Variants in TBX2 observed in about 807,000 individuals in gnomAD.
TBX2 encodes T-box transcription factor 2, also known as T-box transcription factor TBX2.
In TBX2, 19 loss-of-function variants were observed where a neutral mutation model predicts 48.4. The observed-to-expected ratio is 0.39, with a 90% CI of 0.27 to 0.58. The LOEUF (loss-of-function observed/expected upper bound fraction) is 0.58. Ranked by LOEUF, TBX2 falls within the 20% of genes least tolerant of loss-of-function variation. The pLI, the probability that TBX2 is intolerant of heterozygous loss-of-function variation, is 0.54. For synonymous variants in TBX2, 522 were observed against 459.7 expected, an observed-to-expected ratio of 1.14 and a Z score of -1.73; for missense variants, 994 against 1,006.5, an observed-to-expected ratio of 0.99 and a Z score of 0.17.
chr17:61,402,804 A>AT (rs1009294488), intron 2 of TBX2, among the ~76,000 whole-genome samples: 1 of 151,062 alleles, frequency 6.6e-6, no homozygotes, highest in Non-Finnish European at 1.5e-5. Flanking sequence ...CAACTGGGAA[A>AT]TTTTTTTTAA....
At chr17:61,404,286 T>A in intron 3 of TBX2, 135 bp from the exon 4 acceptor site, 2 of 1,109,716 alleles carry the variant, frequency 1.8e-6, no homozygotes, top group Non-Finnish European at 2.5e-6. Context: ...GGGCGTCCCA[T>A]CCCAGGCGGG....
chr17:61,402,892 A>G (rs1199822701), intron 2 of TBX2, among the ~76,000 whole-genome samples, 169 bp from the exon 3 acceptor site: 4 of 149,478 alleles, frequency 2.7e-5, no homozygotes, highest in Non-Finnish European at 2.9e-5. Context: ...GTGAGAAAAG[A>G]GCAGAGACAG....
Position 61,405,596 on chromosome 17 carries a change from G to A in TBX2, c.1446G>A (p.Pro482=). The A allele has an allele frequency of 6.3e-7, 1 of 1,595,480 alleles. No individual in the cohort carries two copies. The highest frequency in any genetic ancestry group is 8.5e-7 in the Non-Finnish European group (1 of 1,175,224). The stretch of plus-strand genomic sequence containing the variant: ...TGCACGGGCAGCAGTTCTTTGGGCC[G>A]CTGGGAGCCGGCCAGCCGCTCTTCC... ...SHLHGQQFFG[P]LGAGQPLFLH... is the part of the protein sequence containing the mutation. The change falls in exon 6 of 7, where the codon CCG becomes CCA. Residue 482 remains proline (P), a synonymous_variant. Coordinates refer to ENST00000240328, the MANE Select transcript of TBX2 (RefSeq NM_005994.4).
chr17:61,400,675 C>T lies in TBX2; in HGVS notation c.395+104C>T, dbSNP rs375423894. On this transcript the variant is annotated intron_variant, in intron 1 of 6. Coordinates refer to ENST00000240328, the MANE Select transcript of TBX2 (RefSeq NM_005994.4). This position sits in a 1 kb window ranked among gnomAD's most constrained non-coding sequence, Gnocchi z 9.2. Reference sequence around the variant, plus strand: ...CTGGGGACTCCCGGCTCCCGGCTCCCGGCTCCAGGTTCTGGCCCTGACGCC... The same window carrying T: ...CTGGGGACTCCCGGCTCCCGGCTCCTGGCTCCAGGTTCTGGCCCTGACGCC... 8 of 1,182,700 alleles carry T rather than the reference C, an allele frequency of 6.8e-6. No individual in the cohort carries two copies. Among genetic ancestry groups the T allele is most frequent in the Middle Eastern group, 2.9e-4 (1 of 3,394 alleles). The allele number at this position is 1,182,700 out of a possible 1,614,324, so 73.3% of individuals were successfully genotyped here. A position where few individuals can be genotyped will look rare whatever the true frequency, so the allele number is the denominator to read the frequency against.
Position 61,403,424 on chromosome 17 carries a change from G to A in TBX2, c.810+217G>A, listed in dbSNP as rs1164150840. ...ACCGCGCGCACACACAGGCTCCCCT[G>A]GGGCGAGCGAACAGCTGGGCCGTCG... On this transcript the variant is annotated intron_variant, in intron 3 of 6. Transcript: ENST00000240328. The surrounding 1 kb of genome is among the most constrained non-coding windows in gnomAD (Gnocchi z 5.8). Among the ~76,000 whole-genome samples, 1 of 152,270 alleles carries A rather than the reference G, an allele frequency of 6.6e-6. No homozygotes were observed. Among genetic ancestry groups the A allele is most frequent in the Non-Finnish European group, 1.5e-5 (1 of 68,044 alleles).
Position 61,403,004 on chromosome 17 carries a change from A to G in TBX2, c.664-57A>G. On this transcript the variant is annotated intron_variant, in intron 2 of 6. Coordinates refer to ENST00000240328, the MANE Select transcript of TBX2 (RefSeq NM_005994.4). The surrounding 1 kb of genome is among the most constrained non-coding windows in gnomAD (Gnocchi z 5.8). ...GAGGAAGAGGTCAGGTACCCAAAGAATAGAAAAGCTCGGGCCGGGGCTGGT... is the reference window on the plus strand; with the variant it reads ...GAGGAAGAGGTCAGGTACCCAAAGAGTAGAAAAGCTCGGGCCGGGGCTGGT... The G allele has an allele frequency of 1.9e-6, 3 of 1,546,070 alleles. No homozygotes were observed. Among genetic ancestry groups the G allele is most frequent in the Non-Finnish European group, 2.6e-6 (3 of 1,155,102 alleles).
In TBX2 at chr17:61,407,804, T is replaced by G. The variant is rs532986971; in HGVS notation, c.1687-250T>G. 112 of 511,288 alleles carry G rather than the reference T, an allele frequency of 2.2e-4. No individual in the cohort carries two copies. In the African/African-American group the frequency reaches 2.2e-3, roughly 10 times the overall value. 31.7% of individuals were successfully genotyped at this position (511,288 alleles called of 1,614,324 possible). On this transcript the variant is annotated intron_variant, in intron 6 of 6. Coordinates refer to ENST00000240328, the MANE Select transcript of TBX2 (RefSeq NM_005994.4). The stretch of plus-strand genomic sequence containing the variant: ...AATGTCCTTTCCATTACCCCTGCTG[T>G]AATGCCCAGCACAGAACTTGATGGC...
In TBX2 at chr17:61,405,466, C is replaced by T; in HGVS notation, c.1316C>T (p.Ala439Val). 2 of 1,576,052 alleles carry T rather than the reference C, an allele frequency of 1.3e-6. No individual in the cohort carries two copies. The highest frequency in any genetic ancestry group is 8.6e-7 in the Non-Finnish European group (1 of 1,164,818). ...ARRKDEGRKEAAEGKEQGLAP... is the reference protein window; with the variant it reads ...ARRKDEGRKEVAEGKEQGLAP... ...AGGAAGGACGAGGGGCGCAAGGAGG[C>T]GGCCGAGGGCAAGGAGCAGGGCCTG... Residue 439 changes from alanine (A) to valine (V), a missense_variant, in exon 6 of 7, where the codon GCG becomes GTG. Ala to Val is a moderately conservative substitution (Grantham distance 64). Transcript: ENST00000240328.
At position 61,408,356 on chromosome 17, in the gene TBX2, T is replaced by C; in HGVS notation, c.1989T>C (p.Ala663=). ...SREPSPLPEL[A]LRKVGAPSRG... ...AGCCTAGCCCCCTGCCCGAGCTGGCTCTCCGCAAAGTAGGGGCCCCATCCC... is the reference window on the plus strand; with the variant it reads ...AGCCTAGCCCCCTGCCCGAGCTGGCCCTCCGCAAAGTAGGGGCCCCATCCC... The change falls in exon 7 of 7, where the codon GCT becomes GCC. Residue 663 remains alanine, a synonymous_variant. Coordinates refer to ENST00000240328, the MANE Select transcript of TBX2 (RefSeq NM_005994.4). 7 of 1,590,846 alleles carry C rather than the reference T, an allele frequency of 4.4e-6. No individual in the cohort carries two copies. Among genetic ancestry groups the C allele is most frequent in the Non-Finnish European group, 6.0e-6 (7 of 1,169,830 alleles).
chr17:61,403,322 G>A lies in TBX2; in HGVS notation c.810+115G>A. On this transcript the variant is annotated intron_variant, in intron 3 of 6. Coordinates refer to ENST00000240328, the MANE Select transcript of TBX2 (RefSeq NM_005994.4). This position sits in a 1 kb window ranked among gnomAD's most constrained non-coding sequence, Gnocchi z 5.8. ...CCCTGCACGGGATCCGCGCTCTTGC[G>A]GCCCGCCCCCGAGCACCGAGCCTCG... The A allele has an allele frequency of 6.7e-7, 1 of 1,487,362 alleles. No individual in the cohort carries two copies. The highest frequency in any genetic ancestry group is 8.9e-7 in the Non-Finnish European group (1 of 1,117,452). The allele number at this position is 1,487,362 out of a possible 1,614,324, so 92.1% of individuals were successfully genotyped here.
Position 61,405,162 on chromosome 17 carries a change from C to G in TBX2, c.1052-40C>G, listed in dbSNP as rs1264042079. ...TGTCCCTGATCCTGCTCGTCGGCCT[C>G]CGCCCAGGCCCCTGTAATCCGCGCG... On this transcript the variant is annotated intron_variant, in intron 5 of 6. Coordinates refer to ENST00000240328, the MANE Select transcript of TBX2 (RefSeq NM_005994.4). 6 of 1,461,750 alleles carry G rather than the reference C, an allele frequency of 4.1e-6. No homozygotes were observed. The South Asian group carries it at 7.0e-5, about 17-fold the overall frequency. 90.5% of individuals were successfully genotyped at this position (1,461,750 alleles called of 1,614,324 possible).
At position 61,405,536 on chromosome 17, in the gene TBX2, C is replaced by A. The variant is rs527685395; in HGVS notation, c.1386C>A (p.Ala462=). Residue 462 remains alanine (A), a synonymous_variant, in exon 6 of 7, where the codon GCC becomes GCA. Coordinates refer to ENST00000240328, the MANE Select transcript of TBX2 (RefSeq NM_005994.4). ...CAGACAGTGCGTCCCCCCTGGGCGCCGGACACCTGCCCGGCCTGGCCTTTT... is the reference window on the plus strand; with the variant it reads ...CAGACAGTGCGTCCCCCCTGGGCGCAGGACACCTGCCCGGCCTGGCCTTTT... ...VQTDSASPLG[A]GHLPGLAFSS... 5.7e-6 allele frequency: 9 copies of A among 1,591,816 alleles called. No homozygotes were observed. Among genetic ancestry groups the A allele is most frequent in the South Asian group, 1.1e-5 (1 of 88,044 alleles).
chr17:61,404,308 T>G (rs924764656), intron 3 of TBX2, 113 bp from the exon 4 acceptor site: 2 of 1,344,294 alleles, frequency 1.5e-6, no homozygotes, highest in Non-Finnish European at 2.0e-6. Context: ...GGGTACCAAG[T>G]GGACGCTCCC....
rs1415905822 is a variant in TBX2 at position 61,406,892 on chromosome 17, G to T, written c.1686+1056G>T. The T allele has an allele frequency of 6.6e-6, 1 of 152,134 alleles. No homozygotes were observed. 9.4% of individuals were successfully genotyped at this position (152,134 alleles called of 1,614,324 possible). A position where few individuals can be genotyped will look rare whatever the true frequency, so the allele number is the denominator to read the frequency against. ...TCTGGAGAAAGTTCAGGGCCCAGAGGTTTAATCTGCACCCCTGATTATTTG... is the reference window on the plus strand; with the variant it reads ...TCTGGAGAAAGTTCAGGGCCCAGAGTTTTAATCTGCACCCCTGATTATTTG... On this transcript the variant is annotated intron_variant, in intron 6 of 6. Coordinates refer to ENST00000240328, the MANE Select transcript of TBX2 (RefSeq NM_005994.4). This position sits in a 1 kb window ranked among gnomAD's most constrained non-coding sequence, Gnocchi z 5.7.
rs745919438 is a variant in TBX2 at position 61,401,841 on chromosome 17, C to T, written c.553C>T (p.Arg185Cys). 2.5e-6 allele frequency: 4 copies of T among 1,613,084 alleles called. No individual in the cohort carries two copies. The highest frequency in any genetic ancestry group is 1.1e-5 in the South Asian group (1 of 91,092). Residue 185 changes from arginine (R) to cysteine (C), a missense_variant, in exon 2 of 7, where the codon CGC becomes TGC. Physicochemically the swap from Arg to Cys is radical, Grantham distance 180. Around this residue, in one of 5 missense-constraint regions of TBX2, gnomAD observed 153 missense variants for 166.2 expected, o/e 0.92. Coordinates refer to ENST00000240328, the MANE Select transcript of TBX2 (RefSeq NM_005994.4). ...AGKADPEMPK[R>C]MYIHPDSPAT... ...CAAGGCCGACCCTGAGATGCCCAAA[C>T]GCATGTACATCCACCCAGACAGCCC...
In TBX2 at chr17:61,400,576, G is replaced by A; in HGVS notation, c.395+5G>A. On this transcript the variant is annotated splice_donor_5th_base_variant and intron_variant, in intron 1 of 6. Transcript: ENST00000240328. The surrounding 1 kb of genome is among the most constrained non-coding windows in gnomAD (Gnocchi z 9.2). ...GGTCATCACCAAGTCCGGGAGGTAG[G>A]GCTGCCGGCCGGCTGGAAGGCGCGC... The A allele has an allele frequency of 6.5e-7, 1 of 1,547,224 alleles. No homozygotes were observed. The highest frequency in any genetic ancestry group is 8.7e-7 in the Non-Finnish European group (1 of 1,145,266).
chr17:61,408,617 G>A lies in TBX2; in HGVS notation c.*111G>A. The A allele has an allele frequency of 9.1e-7, 1 of 1,101,560 alleles. No homozygotes were observed. Among genetic ancestry groups the A allele is most frequent in the Non-Finnish European group, 1.2e-6 (1 of 839,876 alleles). The allele number at this position is 1,101,560 out of a possible 1,614,324, so 68.2% of individuals were successfully genotyped here. On this transcript the variant is annotated 3_prime_UTR_variant, in exon 7 of 7. Transcript: ENST00000240328. ...ATTTATTTAAATAAAGGAGAAAAGTGGGCTGCAGCAGCCGGAATAGAGCCT... is the reference window on the plus strand; with the variant it reads ...ATTTATTTAAATAAAGGAGAAAAGTAGGCTGCAGCAGCCGGAATAGAGCCT...
chr17:61,405,265 CG>C lies in TBX2; in HGVS notation c.1120del (p.Ala374ArgfsTer3). 2 of 1,569,774 alleles carry C rather than the reference CG, an allele frequency of 1.3e-6. No homozygotes were observed. ...CCTGAGCGGTTGAGCGAGGAGCGTG[CG>C]GGGGCGCCGCTAGGCCGCAGCCCGG... ...PEPERLSEER[A>X]GAPLGRSPAP... On this transcript the variant is annotated frameshift_variant, in exon 6 of 7. Transcript: ENST00000240328. LOFTEE classifies it high-confidence loss of function.
In TBX2 at chr17:61,408,706, C is replaced by G; in HGVS notation, c.*200C>G. ...TCAACAAGGATCAGGCTGCTGGAAA[C>G]ACAGTCACTTGGGAGCTGCTGGGCT... On this transcript the variant is annotated 3_prime_UTR_variant, in exon 7 of 7. Coordinates refer to ENST00000240328, the MANE Select transcript of TBX2 (RefSeq NM_005994.4). 2.1e-6 allele frequency: 1 copy of G among 483,466 alleles called. No homozygotes were observed. Among genetic ancestry groups the G allele is most frequent in the Middle Eastern group, 5.2e-4 (1 of 1,906 alleles). 29.9% of individuals were successfully genotyped at this position (483,466 alleles called of 1,614,324 possible).
Sources: allele counts gnomAD v4.1 joint callset (sites outside exome capture counted in the v4.1 genomes callset), GRCh38; gene constraint gnomAD v4.1.1; regional missense constraint gnomAD v4.1.1; non-coding constraint Gnocchi (gnomAD v3.1); transcripts MANE v1.5; gene names NCBI Gene and HGNC (gene_info 2026-07-23, HGNC 2026-07-21).